NXPH2: variants seen among roughly 807,000 people sequenced by gnomAD.
NXPH2 encodes neurexophilin-2.
A neutral mutation model predicts 19.8 loss-of-function variants in NXPH2; 5 were observed. That is an observed-to-expected ratio of 0.25 (90% CI 0.13 to 0.53). The LOEUF (loss-of-function observed/expected upper bound fraction) is 0.53, where lower values mean the gene tolerates loss of function less well. Ranked by LOEUF, NXPH2 falls within the 20% of genes least tolerant of loss-of-function variation. NXPH2 has a pLI of 0.96. For missense variants in NXPH2, 289 were observed against 322.8 expected, an observed-to-expected ratio of 0.90 and a Z score of 0.80; for synonymous variants, 154 against 127.4, an observed-to-expected ratio of 1.21 and a Z score of -1.41.
intron 1 of NXPH2, among the ~76,000 whole-genome samples, chr2:138,682,494 T>C (rs1331857906): frequency 6.6e-6 from 1 of 152,228 alleles, no homozygotes; most frequent in African/African-American, 2.4e-5. Flanking sequence ...AATGTACTAA[T>C]TGTACCTATT....
At chr2:138,728,370 A>G (rs1681391293) in intron 1 of NXPH2, among the ~76,000 whole-genome samples, 1 of 152,232 alleles carries the variant, frequency 6.6e-6, no homozygotes, top group Non-Finnish European at 1.5e-5. Flanking sequence ...AAGCCACTTA[A>G]TATGTGGCTT....
intron 1 of NXPH2, among the ~76,000 whole-genome samples, chr2:138,705,091 T>C (rs1184545456): frequency 6.6e-6 from 1 of 152,086 alleles, no homozygotes; most frequent in Non-Finnish European, 1.5e-5. Flanking sequence ...CCTCCCAAAG[T>C]GTTGGGATAA....
intron 1 of NXPH2, among the ~76,000 whole-genome samples, chr2:138,682,864 C>G (rs1350427436): frequency 6.6e-6 from 1 of 152,180 alleles, no homozygotes; most frequent in Non-Finnish European, 1.5e-5. Context: ...ATTCAGTACA[C>G]ACACACATGC....
chr2:138,744,002 C>CAAAAAA (rs35072611), intron 1 of NXPH2, among the ~76,000 whole-genome samples: 25 of 85,728 alleles, frequency 2.9e-4, no homozygotes, highest in Admixed American at 8.4e-4. Flanking sequence ...GACTCCATCT[C>CAAAAAA]AAAAAAAAAA....
At chr2:138,746,115 G>A (rs1162353569) in intron 1 of NXPH2, among the ~76,000 whole-genome samples, 1 of 152,192 alleles carries the variant, frequency 6.6e-6, no homozygotes, top group Non-Finnish European at 1.5e-5. Context: ...GGCACCTTGA[G>A]CCCATTCTAA....
At chr2:138,681,692 T>A (rs1558912360) in intron 1 of NXPH2, among the ~76,000 whole-genome samples, 1 of 152,210 alleles carries the variant, frequency 6.6e-6, no homozygotes, top group Non-Finnish European at 1.5e-5. Flanking sequence ...AGGACTGGCA[T>A]ATTCTACTAG....
intron 1 of NXPH2, among the ~76,000 whole-genome samples, chr2:138,779,789 G>A (rs1304596109): frequency 6.6e-6 from 1 of 152,296 alleles, no homozygotes; most frequent in Non-Finnish European, 1.5e-5. Flanking sequence ...AAAACACCAC[G>A]TGAAAAATAA....
At chr2:138,769,227 A>G (rs1682136588) in intron 1 of NXPH2, among the ~76,000 whole-genome samples, 1 of 152,212 alleles carries the variant, frequency 6.6e-6, no homozygotes, top group Non-Finnish European at 1.5e-5. Flanking sequence ...GGAGGCTGTG[A>G]TAGTGATGAC....
chr2:138,745,517 A>T (rs1681714309), intron 1 of NXPH2, among the ~76,000 whole-genome samples: 1 of 140,276 alleles, frequency 7.1e-6, no homozygotes, highest in Non-Finnish European at 1.5e-5. Context: ...TGTTGTTTGC[A>T]TGTTTTTCTT....
intron 1 of NXPH2, among the ~76,000 whole-genome samples, chr2:138,727,342 C>T (rs564331250): frequency 3.2e-4 from 48 of 152,292 alleles, no homozygotes; most frequent in Middle Eastern, 3.4e-3. Flanking sequence ...GTTTTGCATT[C>T]CCCCAGCAAC....
At chr2:138,735,962 G>A (rs572149102) in intron 1 of NXPH2, among the ~76,000 whole-genome samples, 15 of 152,346 alleles carry the variant, frequency 9.8e-5, no homozygotes, top group African/African-American at 3.6e-4. Flanking sequence ...TTGAATCCAT[G>A]TCTCACCTCC....
At position 138,724,765 on chromosome 2, in the gene NXPH2, C is replaced by T. The variant is rs546564009; in HGVS notation, c.52-53100G>A. 6.6e-5 allele frequency among the ~76,000 whole-genome samples: 10 copies of T among 152,288 alleles called. No homozygotes were observed. The East Asian group carries it at 1.7e-3, about 26-fold the overall frequency. On this transcript the variant is annotated intron_variant, in intron 1 of 1. Transcript: ENST00000272641. ...TGTCCAAATGTGTGTCTGTTAGTAG[C>T]TCAAGAAGATAAATGTTATTAATCA...
At chr2:138,711,243 C>G (rs559708690) in intron 1 of NXPH2, among the ~76,000 whole-genome samples, 9 of 150,016 alleles carry the variant, frequency 6.0e-5, no homozygotes, top group African/African-American at 2.2e-4. Context: ...CAGGTTCAAG[C>G]GATTCTCCTG....
chr2:138,712,579 C>G (rs1681120900), intron 1 of NXPH2, among the ~76,000 whole-genome samples: 1 of 152,170 alleles, frequency 6.6e-6, no homozygotes, highest in Non-Finnish European at 1.5e-5. Flanking sequence ...AGCACAGTAT[C>G]TTTGGTTTAT....
chr2:138,677,780 T>C (rs1380836083), intron 1 of NXPH2, among the ~76,000 whole-genome samples: 1 of 152,220 alleles, frequency 6.6e-6, no homozygotes, highest in Admixed American at 6.5e-5. Flanking sequence ...CAGAAGAGAC[T>C]TTTTAAACTG....
At chr2:138,721,639 T>C (rs10185343) in intron 1 of NXPH2, among the ~76,000 whole-genome samples, 45,250 of 151,910 alleles carry the variant, frequency 0.3, 8,343 homozygotes, top group Non-Finnish European at 0.42. Flanking sequence ...ATATGATGTA[T>C]GTAGGGAAAA....
chr2:138,707,868 C>T (rs1394092434), intron 1 of NXPH2, among the ~76,000 whole-genome samples: 1 of 152,192 alleles, frequency 6.6e-6, no homozygotes, highest in East Asian at 1.9e-4. Context: ...AGGTCCCTCT[C>T]TCTCTAAGCC....
At chr2:138,683,397 G>A (rs531566281) in intron 1 of NXPH2, among the ~76,000 whole-genome samples, 1 of 152,262 alleles carries the variant, frequency 6.6e-6, no homozygotes, top group South Asian at 2.1e-4. Flanking sequence ...GCAATGGAGG[G>A]AAGAACAGTC....
intron 1 of NXPH2, among the ~76,000 whole-genome samples, chr2:138,691,905 G>T (rs1680752435): frequency 6.6e-6 from 1 of 152,268 alleles, no homozygotes; most frequent in East Asian, 1.9e-4. Context: ...CCTATCCAAA[G>T]TTCAGACCCA....
Sources: gnomAD v4.1 joint callset for allele counts (sites outside exome capture counted in the v4.1 genomes callset) on GRCh38, gnomAD v4.1.1 for gene constraint, MANE v1.5 for transcripts, NCBI Gene and HGNC (gene_info 2026-07-23, HGNC 2026-07-21) for gene names.